Variants in NETO1 observed in about 807,000 individuals in gnomAD.
NETO1 encodes neuropilin and tolloid like 1, also known as neuropilin and tolloid-like protein 1.
A neutral mutation model predicts 61.3 loss-of-function variants in NETO1; 26 were observed. The ratio of observed to expected loss-of-function variants is 0.42; its 90% CI spans 0.31 to 0.59. NETO1 has a LOEUF of 0.59. Ranked by LOEUF, NETO1 falls within the 20% of genes least tolerant of loss-of-function variation. The pLI is 0.12. For synonymous variants in NETO1, 225 were observed against 225.8 expected (o/e 1.00, Z 0.03); for missense variants, 531 against 662.8 (o/e 0.80, Z 2.18).
At chr18:72,864,682 A>G (rs1265159797) in intron 3 of NETO1, 126 bp downstream of exon 3, 1 of 1,208,598 alleles carries the variant, frequency 8.3e-7, no homozygotes, top group African/African-American at 1.5e-5. Context: ...TTCACTCAAG[A>G]GATATTTTTG....
At chr18:72,812,913 C>T (rs111714942) in intron 4 of NETO1, among the ~76,000 whole-genome samples, 3,770 of 152,292 alleles carry the variant, frequency 0.025, 71 homozygotes, top group Middle Eastern at 0.045. Context: ...TGTATAACTA[C>T]CAATTCAATT....
At chr18:72,800,005 G>T (rs1461964013) in intron 4 of NETO1, among the ~76,000 whole-genome samples, 1 of 152,236 alleles carries the variant, frequency 6.6e-6, no homozygotes, top group African/African-American at 2.4e-5. Context: ...GGAATTATGG[G>T]AGTGAACAAC....
intron 6 of NETO1, among the ~76,000 whole-genome samples, chr18:72,791,764 ATCTT>A (rs1178494530): frequency 1.3e-5 from 2 of 152,206 alleles, no homozygotes; most frequent in Non-Finnish European, 1.5e-5. Context: ...GTCTTTAAAA[ATCTT>A]TCATTCATAG....
At chr18:72,768,596 A>C (rs1004222290) in intron 7 of NETO1, among the ~76,000 whole-genome samples, 6 of 152,212 alleles carry the variant, frequency 3.9e-5, no homozygotes, top group Non-Finnish European at 7.3e-5. Flanking sequence ...AAAATGAAGA[A>C]TTATTCGGGA....
At chr18:72,751,050 T>TACACACACACAC (rs764681364) in intron 8 of NETO1, among the ~76,000 whole-genome samples, 24,713 of 137,766 alleles carry the variant, frequency 0.18, 2,366 homozygotes, top group Non-Finnish European at 0.21. Flanking sequence ...CATCTTAAAA[T>TACACACACACAC]ACACACACAC....
In NETO1 at chr18:72,746,641, A is replaced by G. The variant is rs1221097618; in HGVS notation, c.*1538T>C. Among the ~76,000 whole-genome samples the G allele has an allele frequency of 2.0e-5, 3 of 151,822 alleles. No individual in the cohort carries two copies. The highest frequency in any genetic ancestry group is 4.4e-5 in the Non-Finnish European group (3 of 67,906). On this transcript the variant is annotated 3_prime_UTR_variant, in exon 11 of 11. Transcript: ENST00000327305. Reference sequence around the variant, plus strand: ...TAGTAGGGAAGTATAACAGTAATTCATCTAGTTTGCAAAGCCTGCTTGAAT... The same window carrying G: ...TAGTAGGGAAGTATAACAGTAATTCGTCTAGTTTGCAAAGCCTGCTTGAAT...
chr18:72,864,511 T>C (rs2074674698), intron 3 of NETO1, among the ~76,000 whole-genome samples: 1 of 152,352 alleles, frequency 6.6e-6, no homozygotes, highest in East Asian at 1.9e-4. Flanking sequence ...GTGCCAACTA[T>C]GCGTCCATTC....
chr18:72,818,494 C>T (rs1477020363), intron 4 of NETO1, among the ~76,000 whole-genome samples: 1 of 152,118 alleles, frequency 6.6e-6, no homozygotes, highest in African/African-American at 2.4e-5. Flanking sequence ...GGTGTAGAAG[C>T]CTGTCATATG....
chr18:72,783,459 G>A (rs2071809862), intron 7 of NETO1, among the ~76,000 whole-genome samples: 1 of 152,132 alleles, frequency 6.6e-6, no homozygotes, highest in African/African-American at 2.4e-5. Flanking sequence ...TCTTAAGAAA[G>A]GCTATGGTGC....
chr18:72,806,015 T>A (rs1200658426), intron 4 of NETO1, among the ~76,000 whole-genome samples: 1 of 152,138 alleles, frequency 6.6e-6, no homozygotes, highest in Non-Finnish European at 1.5e-5. Context: ...TGAAAGCTAA[T>A]GATGAGGTGT....
Position 72,756,040 on chromosome 18 carries a change from A to G in NETO1, c.976T>C (p.Cys326Arg), listed in dbSNP as rs1249602894. The G allele has an allele frequency of 6.3e-7, 1 of 1,583,564 alleles. No homozygotes were observed. The highest frequency in any genetic ancestry group is 8.7e-7 in the Non-Finnish European group (1 of 1,153,828). The change falls in exon 8 of 11, where the codon TGT becomes CGT. Residue 326 changes from cysteine to arginine, a missense_variant. Cys to Arg is a radical substitution (Grantham distance 180, BLOSUM62 -3). Transcript: ENST00000327305. Reference protein sequence around the residue: ...NCVYPWDENHCKEKRKTSLLD... With the variant: ...NCVYPWDENHRKEKRKTSLLD... ...TTCAGGCACTAATCATTACCTTTAC[A>G]GTGATTTTCATCCCAAGGATACACA...
chr18:72,781,538 G>T (rs1303472304), intron 7 of NETO1, among the ~76,000 whole-genome samples: 3 of 152,096 alleles, frequency 2.0e-5, no homozygotes, highest in Non-Finnish European at 4.4e-5. Flanking sequence ...CATAAAGCTG[G>T]GAGAGATGTT....
chr18:72,751,271 C>T (rs930795568), intron 8 of NETO1, among the ~76,000 whole-genome samples: 1 of 152,106 alleles, frequency 6.6e-6, no homozygotes, highest in Non-Finnish European at 1.5e-5. Context: ...TAATGATGTA[C>T]ATCAAGTGGA....
intron 7 of NETO1, among the ~76,000 whole-genome samples, chr18:72,782,082 T>A (rs8096558): frequency 0.33 from 50,784 of 152,030 alleles, 8,750 homozygotes; most frequent in Admixed American, 0.46. Context: ...TCTCACTTAT[T>A]GGTGAGAACG....
chr18:72,777,283 T>C (rs2071579275), intron 7 of NETO1, among the ~76,000 whole-genome samples: 1 of 151,666 alleles, frequency 6.6e-6, no homozygotes, highest in Non-Finnish European at 1.5e-5. Context: ...CCTGGTGTAG[T>C]GGTGTATGCC....
chr18:72,852,640 TC>T (rs1456235573), intron 4 of NETO1, among the ~76,000 whole-genome samples: 1 of 152,114 alleles, frequency 6.6e-6, no homozygotes, highest in African/African-American at 2.4e-5. Context: ...TCAGCTTTTC[TC>T]CTGAACACCC....
In NETO1 at chr18:72,747,233, T is replaced by A. The variant is rs1263447915; in HGVS notation, c.*946A>T. ...TTTCTCTTAACTCAAATTAGGAAAT[T>A]ATTATACATTTTATATATATTTATA... On this transcript the variant is annotated 3_prime_UTR_variant, in exon 11 of 11. Transcript: ENST00000327305. 1 of 151,930 alleles carries A rather than the reference T, an allele frequency of 6.6e-6. No individual in the cohort carries two copies. Among genetic ancestry groups the A allele is most frequent in the African/African-American group, 2.4e-5 (1 of 41,404 alleles). 9.4% of individuals were successfully genotyped at this position (151,930 alleles called of 1,614,324 possible). A position where few individuals can be genotyped will look rare whatever the true frequency, so the allele number is the denominator to read the frequency against.
intron 4 of NETO1, among the ~76,000 whole-genome samples, chr18:72,847,929 G>A (rs1363390719): frequency 6.6e-6 from 1 of 152,180 alleles, no homozygotes; most frequent in Non-Finnish European, 1.5e-5. Flanking sequence ...CAGGCCCTAG[G>A]GGAGAATGTT....
At chr18:72,775,744 A>G (rs2071525048) in intron 7 of NETO1, among the ~76,000 whole-genome samples, 1 of 152,228 alleles carries the variant, frequency 6.6e-6, no homozygotes, top group African/African-American at 2.4e-5. Flanking sequence ...CACAAGAGAA[A>G]TCATGGATTA....
Sources: gnomAD v4.1 joint callset for allele counts (sites outside exome capture counted in the v4.1 genomes callset) on GRCh38, gnomAD v4.1.1 for gene constraint, MANE v1.5 for transcripts, NCBI Gene and HGNC (gene_info 2026-07-23, HGNC 2026-07-21) for gene names.